Variants in NUDT21 observed in about 807,000 individuals in gnomAD.
NUDT21 encodes nudix hydrolase 21, also known as cleavage and polyadenylation specificity factor subunit 5.
A neutral mutation model predicts 29.8 loss-of-function variants in NUDT21; 5 were observed. The ratio of observed to expected loss-of-function variants is 0.17; its 90% confidence interval spans 0.09 to 0.35. NUDT21 has a LOEUF of 0.35. NUDT21 is among the 10% of genes least tolerant of loss of function. NUDT21 has a pLI of 1.00. For missense variants in NUDT21, 76 were observed against 276.0 expected (o/e 0.28, Z 5.13); for synonymous variants, 113 against 98.5 (o/e 1.15, Z -0.87).
At chr16:56,434,303 GA>G (rs776079920) in intron 6 of NUDT21, 27 bp downstream of exon 6, 2 of 1,447,620 alleles carry the variant, frequency 1.4e-6, no homozygotes, top group African/African-American at 1.4e-5. Flanking sequence ...TAATATGGAT[GA>G]ACCAAAAAAT....
At chr16:56,434,860 T>G in intron 4 of NUDT21, 31 bp from the exon 5 acceptor site, 1 of 1,257,968 alleles carries the variant, frequency 7.9e-7, no homozygotes, top group East Asian at 2.3e-5. Context: ...AACTTTAATA[T>G]GTATTCCATG....
At chr16:56,437,948 G>A (rs550226550) in intron 4 of NUDT21, among the ~76,000 whole-genome samples, 3 of 152,058 alleles carry the variant, frequency 2.0e-5, no homozygotes, top group South Asian at 4.1e-4. Flanking sequence ...CTTTTTATAT[G>A]AGGATCACAA....
At chr16:56,438,749 C>T (rs1163350223) in intron 4 of NUDT21, among the ~76,000 whole-genome samples, 2 of 150,952 alleles carry the variant, frequency 1.3e-5, no homozygotes. Context: ...GGAATGCAAT[C>T]GAAATGGAAA....
intron 3 of NUDT21, among the ~76,000 whole-genome samples, chr16:56,445,793 C>A (rs1426757157): frequency 6.6e-6 from 1 of 152,198 alleles, no homozygotes; most frequent in Non-Finnish European, 1.5e-5. Context: ...TTTGCACTCC[C>A]TCAACCTTAA....
intron 3 of NUDT21, among the ~76,000 whole-genome samples, chr16:56,442,956 T>C (rs1177310265): frequency 6.6e-6 from 1 of 152,192 alleles, no homozygotes; most frequent in African/African-American, 2.4e-5. Flanking sequence ...GTTTCACAGG[T>C]GCAAAATCTC....
intron 3 of NUDT21, 27 bp downstream of exon 3, chr16:56,446,599 A>G (rs533091084): frequency 1.4e-6 from 2 of 1,387,960 alleles, no homozygotes; most frequent in South Asian, 1.2e-5. Context: ...AGTTGATGGT[A>G]TTCAAAGTGG....
intron 2 of NUDT21, among the ~76,000 whole-genome samples, chr16:56,447,316 G>A (rs549177056): frequency 1.4e-4 from 22 of 152,168 alleles, no homozygotes; most frequent in East Asian, 3.8e-4. Context: ...TTTCAAGAAC[G>A]TCATCTAAGT....
At position 56,430,782 on chromosome 16, in the gene NUDT21, C is replaced by G. The variant is rs1250460754; in HGVS notation, c.*1930G>C. ...TTTACATTCAAAACCAGATCTCTTA[C>G]ATTTCAAGGTTAGTAACCCAGCCAT... On this transcript the variant is annotated 3_prime_UTR_variant, in exon 7 of 7. Coordinates refer to ENST00000300291, the MANE Select transcript of NUDT21 (RefSeq NM_007006.3). 2 of 152,248 alleles carry G rather than the reference C, an allele frequency of 1.3e-5. No individual in the cohort carries two copies. The highest frequency in any genetic ancestry group is 4.8e-5 in the African/African-American group (2 of 41,466). The allele number at this position is 152,248 out of a possible 1,614,324, so 9.4% of individuals were successfully genotyped here.
At position 56,434,858 on chromosome 16, in the gene NUDT21, T is replaced by C. The variant is rs1373608164; in HGVS notation, c.472-29A>G. The C allele has an allele frequency of 2.3e-6, 3 of 1,278,432 alleles. No individual in the cohort carries two copies. The South Asian group carries it at 3.6e-5, about 15-fold the overall frequency. The allele number at this position is 1,278,432 out of a possible 1,614,324, so 79.2% of individuals were successfully genotyped here. On this transcript the variant is annotated intron_variant, in intron 4 of 6. Transcript: ENST00000300291. ...AAATTACAAATGAATACAACTTTAATATGTATTCCATGGCTTCATTTCTTT... is the reference window on the plus strand; with the variant it reads ...AAATTACAAATGAATACAACTTTAACATGTATTCCATGGCTTCATTTCTTT...
At chr16:56,446,735 G>T in intron 2 of NUDT21, 46 bp from the exon 3 acceptor site, 2 of 1,184,910 alleles carry the variant, frequency 1.7e-6, no homozygotes, top group Admixed American at 2.1e-5. Context: ...ATACAATTTG[G>T]AGATAACAAA....
chr16:56,439,630 GC>G, intron 4 of NUDT21, 26 bp downstream of exon 4: 1 of 1,433,146 alleles, frequency 7.0e-7, no homozygotes, highest in Non-Finnish European at 9.8e-7. Flanking sequence ...CTTCCAAAAT[GC>G]CCAGCAAATG....
At position 56,429,421 on chromosome 16, in the gene NUDT21, T is replaced by G. The variant is rs1477998744; in HGVS notation, c.*3291A>C. 6.6e-6 allele frequency: 1 copy of G among 152,230 alleles called. No homozygotes were observed. The allele number at this position is 152,230 out of a possible 1,614,324, so 9.4% of individuals were successfully genotyped here. The stretch of plus-strand genomic sequence containing the variant: ...TCCCAACTTATCTCTATTTTTACGA[T>G]ATGATCCATTACTAAGATACAAAAT... On this transcript the variant is annotated 3_prime_UTR_variant, in exon 7 of 7. Coordinates refer to ENST00000300291, the MANE Select transcript of NUDT21 (RefSeq NM_007006.3).
Position 56,429,612 on chromosome 16 carries a change from T to C in NUDT21, c.*3100A>G, listed in dbSNP as rs1962009253. ...CACGATTTGAACAAAAGCAAACTGC[T>C]TGAAATGAGTCCAGTTTAACCCAAA... is the stretch of plus-strand genomic sequence containing the variant. On this transcript the variant is annotated 3_prime_UTR_variant, in exon 7 of 7. Transcript: ENST00000300291. 1 of 152,226 alleles carries C rather than the reference T, an allele frequency of 6.6e-6. No individual in the cohort carries two copies. Among genetic ancestry groups the C allele is most frequent in the African/African-American group, 2.4e-5 (1 of 41,460 alleles). The allele number at this position is 152,226 out of a possible 1,614,324, so 9.4% of individuals were successfully genotyped here.
At chr16:56,434,885 CAT>C in intron 4 of NUDT21, 56 bp from the exon 5 acceptor site, 1 of 1,033,376 alleles carries the variant, frequency 9.7e-7, no homozygotes, top group African/African-American at 1.6e-5. Flanking sequence ...CATTTCTTTA[CAT>C]GTTTACTCCC....
intron 3 of NUDT21, among the ~76,000 whole-genome samples, chr16:56,445,210 T>C (rs1172928507): frequency 2.0e-5 from 3 of 152,188 alleles, no homozygotes; most frequent in African/African-American, 7.2e-5. Flanking sequence ...GAAATGCTCA[T>C]TGGAGCATTT....
chr16:56,444,993 G>A (rs1354939786), intron 3 of NUDT21, among the ~76,000 whole-genome samples: 1 of 152,160 alleles, frequency 6.6e-6, no homozygotes, highest in African/African-American at 2.4e-5. Context: ...AGACCAGCCT[G>A]GTCAACATGG....
chr16:56,445,055 G>T (rs1425508755), intron 3 of NUDT21, among the ~76,000 whole-genome samples: 1 of 152,138 alleles, frequency 6.6e-6, no homozygotes, highest in African/African-American at 2.4e-5. Context: ...GTGGAGGCAG[G>T]CACCTTTAAT....
chr16:56,443,288 T>C (rs1263531428), intron 3 of NUDT21, among the ~76,000 whole-genome samples: 3 of 152,058 alleles, frequency 2.0e-5, no homozygotes, highest in East Asian at 3.9e-4. Context: ...CTGATTCTCC[T>C]GCCTCAGCCT....
Position 56,443,808 on chromosome 16 carries a change from T to C in NUDT21, c.381+2818A>G, listed in dbSNP as rs1033968999. ...GAAGCACCATGAAGCCCTCACCAGCTGCCCAATCTTGCCACCAGAACTGGT... is the reference window on the plus strand; with the variant it reads ...GAAGCACCATGAAGCCCTCACCAGCCGCCCAATCTTGCCACCAGAACTGGT... On this transcript the variant is annotated intron_variant, in intron 3 of 6. Coordinates refer to ENST00000300291, the MANE Select transcript of NUDT21 (RefSeq NM_007006.3). Among the ~76,000 whole-genome samples the C allele has an allele frequency of 2.0e-5, 3 of 152,224 alleles. No homozygotes were observed. In the East Asian group the frequency reaches 5.8e-4, roughly 29 times the overall value.
Sources: gnomAD v4.1 joint callset for allele counts (sites outside exome capture counted in the v4.1 genomes callset) on GRCh38, gnomAD v4.1.1 for gene constraint, MANE v1.5 for transcripts, NCBI Gene and HGNC (gene_info 2026-07-23, HGNC 2026-07-21) for gene names.